Variants in SREK1IP1 observed in about 807,000 individuals in gnomAD.
SREK1IP1 encodes SREK1 interacting protein 1.
SREK1IP1 carries 12 observed loss-of-function variants against 22.8 expected under a neutral mutation model. That is an observed-to-expected ratio of 0.53 (90% CI 0.34 to 0.85). The LOEUF (loss-of-function observed/expected upper bound fraction) is 0.85. Ranked by LOEUF, SREK1IP1 falls within the 40% of genes least tolerant of loss-of-function variation. SREK1IP1 has a pLI of 0.02. For synonymous variants in SREK1IP1, 53 were observed against 52.7 expected (o/e 1.01, Z -0.02); for missense variants, 147 against 171.8 (o/e 0.86, Z 0.81).
intron 1 of SREK1IP1, 89 bp downstream of exon 1, chr5:64,768,416 G>A: frequency 6.4e-7 from 1 of 1,566,480 alleles, no homozygotes; most frequent in South Asian, 1.1e-5. Flanking sequence ...ATCCCCATGG[G>A]CGCTGCTCCG....
intron 2 of SREK1IP1, among the ~76,000 whole-genome samples, chr5:64,753,534 T>C (rs544092690): frequency 6.6e-6 from 1 of 152,326 alleles, no homozygotes; most frequent in Non-Finnish European, 1.5e-5. Context: ...CAGCATTCTT[T>C]TAATGTGCCC....
At chr5:64,741,709 A>T (rs1486939437) in intron 2 of SREK1IP1, among the ~76,000 whole-genome samples, 1 of 152,208 alleles carries the variant, frequency 6.6e-6, no homozygotes, top group Non-Finnish European at 1.5e-5. Flanking sequence ...CTAAACATTT[A>T]ATTCTTGCAT....
Position 64,725,273 on chromosome 5 carries a change from A to T in SREK1IP1, c.279-700T>A, listed in dbSNP as rs552394586. Among the ~76,000 whole-genome samples, 7 of 152,020 alleles carry T rather than the reference A, an allele frequency of 4.6e-5. No homozygotes were observed. In the East Asian group the frequency reaches 7.7e-4, roughly 17 times the overall value. Reference sequence around the variant, plus strand: ...TTCAATTCCTTCCTCTAATATTCATAAAAAAAAGGAAAAGAAAAAGAAAAA... The same window carrying T: ...TTCAATTCCTTCCTCTAATATTCATTAAAAAAAGGAAAAGAAAAAGAAAAA... On this transcript the variant is annotated intron_variant, in intron 4 of 4. Coordinates refer to ENST00000513458, the MANE Select transcript of SREK1IP1 (RefSeq NM_173829.4).
In SREK1IP1 at chr5:64,723,070, G is replaced by C. The variant is rs141943020; in HGVS notation, c.*1314C>G. The C allele has an allele frequency of 3.3e-5, 5 of 152,266 alleles. No individual in the cohort carries two copies. Among genetic ancestry groups the C allele is most frequent in the African/African-American group, 7.2e-5 (3 of 41,544 alleles). 9.4% of individuals were successfully genotyped at this position (152,266 alleles called of 1,614,324 possible). On this transcript the variant is annotated 3_prime_UTR_variant, in exon 5 of 5. Coordinates refer to ENST00000513458, the MANE Select transcript of SREK1IP1 (RefSeq NM_173829.4). ...TGTGCCATGACATTGGTTGATGTTCGATGCTTCTACAACATAAGCATTTAC... is the reference window on the plus strand; with the variant it reads ...TGTGCCATGACATTGGTTGATGTTCCATGCTTCTACAACATAAGCATTTAC...
At chr5:64,759,319 C>T (rs1214582853) in intron 1 of SREK1IP1, among the ~76,000 whole-genome samples, 1 of 152,218 alleles carries the variant, frequency 6.6e-6, no homozygotes, top group Non-Finnish European at 1.5e-5. Flanking sequence ...GTCAAAGTGA[C>T]TATAGTAGAG....
Position 64,728,163 on chromosome 5 carries a change from CTCT to C in SREK1IP1, c.219_221del (p.Glu75del), listed in dbSNP as rs1275673327. On this transcript the variant is annotated inframe_deletion, in exon 4 of 5. Coordinates refer to ENST00000513458, the MANE Select transcript of SREK1IP1 (RefSeq NM_173829.4). Reference sequence around the variant, plus strand: ...CTTTGCTTTTTTCTTTCTTCTTTTCCTCTTCTTCATTTATTCCTGTGGGGGAGA... The same window carrying C: ...CTTTGCTTTTTTCTTTCTTCTTTTCCTCTTCATTTATTCCTGTGGGGGAGA... The C allele has an allele frequency of 2.1e-6, 3 of 1,401,348 alleles. No individual in the cohort carries two copies. The African/African-American group carries it at 4.9e-5, about 23-fold the overall frequency. The allele number at this position is 1,401,348 out of a possible 1,614,324, so 86.8% of individuals were successfully genotyped here.
At chr5:64,765,044 C>T (rs1322892914) in intron 1 of SREK1IP1, 4 of 152,180 alleles carry the variant, frequency 2.6e-5, no homozygotes, top group African/African-American at 4.8e-5. Context: ...CAGTAACATA[C>T]GTTGCCACTT....
intron 3 of SREK1IP1, among the ~76,000 whole-genome samples, chr5:64,737,586 A>C (rs1283235412): frequency 6.6e-6 from 1 of 151,072 alleles, no homozygotes; most frequent in African/African-American, 2.4e-5. Flanking sequence ...AGAAAAAAAA[A>C]ACACAATAAA....
At chr5:64,742,308 A>G (rs1250024291) in intron 2 of SREK1IP1, among the ~76,000 whole-genome samples, 1 of 152,156 alleles carries the variant, frequency 6.6e-6, no homozygotes, top group African/African-American at 2.4e-5. Context: ...CTTTGTGCAC[A>G]TGTACTAGGT....
At chr5:64,725,848 TTTTTG>T (rs1490549792) in intron 4 of SREK1IP1, among the ~76,000 whole-genome samples, 3 of 149,940 alleles carry the variant, frequency 2.0e-5, no homozygotes, top group African/African-American at 7.5e-5. Flanking sequence ...GAAGTTTTTT[TTTTTG>T]TTTGTTTCTT....
intron 3 of SREK1IP1, among the ~76,000 whole-genome samples, chr5:64,740,217 G>C (rs1742530407): frequency 6.6e-6 from 1 of 152,006 alleles, no homozygotes; most frequent in Non-Finnish European, 1.5e-5. Context: ...GACAGAGAGT[G>C]ACCTGGAGAA....
At chr5:64,753,204 G>A (rs1742779000) in intron 2 of SREK1IP1, among the ~76,000 whole-genome samples, 3 of 152,150 alleles carry the variant, frequency 2.0e-5, no homozygotes, top group African/African-American at 4.8e-5. Flanking sequence ...GACAGACTGG[G>A]AAATCCATTC....
In SREK1IP1 at chr5:64,723,158, A is replaced by C. The variant is rs529803860; in HGVS notation, c.*1226T>G. 6.6e-6 allele frequency: 1 copy of C among 152,332 alleles called. No homozygotes were observed. Among genetic ancestry groups the C allele is most frequent in the South Asian group, 2.1e-4 (1 of 4,826 alleles). 9.4% of individuals were successfully genotyped at this position (152,332 alleles called of 1,614,324 possible). On this transcript the variant is annotated 3_prime_UTR_variant, in exon 5 of 5. Coordinates refer to ENST00000513458, the MANE Select transcript of SREK1IP1 (RefSeq NM_173829.4). The stretch of plus-strand genomic sequence containing the variant: ...GTAACACTGATCAATGTGAAAATAG[A>C]AATTTAAAAAACGTATCTACTAATA...
chr5:64,744,810 C>T (rs1042693728), intron 2 of SREK1IP1, among the ~76,000 whole-genome samples: 9 of 152,098 alleles, frequency 5.9e-5, no homozygotes, highest in African/African-American at 1.9e-4. Flanking sequence ...CACAGGAAGC[C>T]GTGTAAATTC....
At chr5:64,763,034 A>G (rs1411279164) in intron 1 of SREK1IP1, among the ~76,000 whole-genome samples, 1 of 152,130 alleles carries the variant, frequency 6.6e-6, no homozygotes, top group East Asian at 1.9e-4. Flanking sequence ...CCTGGGTGAC[A>G]GAGCGAGACT....
In SREK1IP1 at chr5:64,721,596, T is replaced by C. The variant is rs527443264; in HGVS notation, c.*2788A>G. On this transcript the variant is annotated 3_prime_UTR_variant, in exon 5 of 5. Transcript: ENST00000513458. ...TATGCAAAAAAAAAAAAGGGGGAAA[T>C]TGTGTGGTGAGAAGGTCCATCAACC... The C allele has an allele frequency of 3.9e-4, 58 of 147,904 alleles. No individual in the cohort carries two copies. Among genetic ancestry groups the C allele is most frequent in the African/African-American group, 1.4e-3 (58 of 40,300 alleles). The allele number at this position is 147,904 out of a possible 1,614,324, so 9.2% of individuals were successfully genotyped here. A position where few individuals can be genotyped will look rare whatever the true frequency, so the allele number is the denominator to read the frequency against.
At chr5:64,764,815 G>C (rs1743008919) in intron 1 of SREK1IP1, among the ~76,000 whole-genome samples, 1 of 152,140 alleles carries the variant, frequency 6.6e-6, no homozygotes, top group African/African-American at 2.4e-5. Flanking sequence ...AGACTAGAGA[G>C]AAAACAAATT....
intron 1 of SREK1IP1, 67 bp downstream of exon 1, chr5:64,768,438 C>CCCTA (rs1743104667): frequency 6.4e-7 from 1 of 1,560,372 alleles, no homozygotes; most frequent in African/African-American, 1.3e-5. Context: ...ACACGCCGCA[C>CCCTA]CCTACCCTAC....
At chr5:64,742,137 T>G (rs1742562533) in intron 2 of SREK1IP1, among the ~76,000 whole-genome samples, 1 of 152,186 alleles carries the variant, frequency 6.6e-6, no homozygotes, top group African/African-American at 2.4e-5. Flanking sequence ...TTGTGATTTA[T>G]CTATGTTAAC....
Sources: gnomAD v4.1 joint callset for allele counts (sites outside exome capture counted in the v4.1 genomes callset) on GRCh38, gnomAD v4.1.1 for gene constraint, MANE v1.5 for transcripts, NCBI Gene and HGNC (gene_info 2026-07-23, HGNC 2026-07-21) for gene names.